Variants in CCDC60 observed in about 807,000 individuals in gnomAD.
CCDC60 encodes the protein coiled-coil domain-containing protein 60.
CCDC60 carries 54 observed loss-of-function variants against 63.5 expected under a neutral mutation model. The observed-to-expected ratio is 0.85, with a 90% CI of 0.68 to 1.07. CCDC60 has a LOEUF of 1.07. CCDC60 is among the 50% of genes least tolerant of loss of function. The probability of loss-of-function intolerance (pLI) is 0.00; values close to 1 mark genes in which losing one functional copy is unlikely to be tolerated. For missense variants in CCDC60, 651 were observed against 684.3 expected (o/e 0.95, Z 0.54); for synonymous variants, 206 against 238.8 (o/e 0.86, Z 1.27).
chr12:119,443,064 G>A (rs1400442320), intron 2 of CCDC60, among the ~76,000 whole-genome samples: 1 of 152,208 alleles, frequency 6.6e-6, no homozygotes, highest in Non-Finnish European at 1.5e-5. Flanking sequence ...ATGCCCAGCT[G>A]AGCCACACAG....
chr12:119,426,292 T>C (rs1448820476), intron 1 of CCDC60, among the ~76,000 whole-genome samples: 2 of 152,222 alleles, frequency 1.3e-5, no homozygotes, highest in African/African-American at 4.8e-5. Flanking sequence ...CCATATGTTT[T>C]GTTTTGTTTT....
At chr12:119,384,936 G>C (rs886537012) in intron 1 of CCDC60, among the ~76,000 whole-genome samples, 5 of 148,318 alleles carry the variant, frequency 3.4e-5, no homozygotes, top group African/African-American at 1.2e-4. Flanking sequence ...CAAACATTGA[G>C]TGGGGGGGCT....
intron 1 of CCDC60, among the ~76,000 whole-genome samples, chr12:119,344,214 G>C (rs902427507): frequency 2.1e-4 from 32 of 152,020 alleles, no homozygotes; most frequent in African/African-American, 7.5e-4. Flanking sequence ...CCTCCCCATG[G>C]TGACAACGAA....
At chr12:119,521,489 A>C (rs1952528770) in intron 9 of CCDC60, among the ~76,000 whole-genome samples, 1 of 152,154 alleles carries the variant, frequency 6.6e-6, no homozygotes. Flanking sequence ...TGAGAACTTC[A>C]GGACAAAGGA....
At chr12:119,532,430 T>TATTATTATTATTATTATC (rs965773804) in intron 13 of CCDC60, among the ~76,000 whole-genome samples, 12 of 147,654 alleles carry the variant, frequency 8.1e-5, no homozygotes, top group African/African-American at 3.0e-4. Context: ...TTATTATTAT[T>TATTATTATTATTATTATC]ATCATTATAC....
intron 8 of CCDC60, among the ~76,000 whole-genome samples, chr12:119,519,467 A>ATTTTT (rs60025828): frequency 2.1e-5 from 2 of 95,284 alleles, no homozygotes; most frequent in African/African-American, 7.5e-5. Context: ...ATATATATAT[A>ATTTTT]TTTTTTTTTT....
chr12:119,341,180 T>C (rs1219782060), intron 1 of CCDC60, among the ~76,000 whole-genome samples: 4 of 152,238 alleles, frequency 2.6e-5, no homozygotes, highest in African/African-American at 9.6e-5. Context: ...CTGTGTCTAA[T>C]TGCATGGGCA....
At position 119,461,560 on chromosome 12, in the gene CCDC60, C is replaced by T. The variant is rs150596567; in HGVS notation, c.171-10434C>T. 3.5e-3 allele frequency among the ~76,000 whole-genome samples: 531 copies of T among 152,300 alleles called. 10 individuals are homozygous for T. Among genetic ancestry groups the T allele is most frequent in the Admixed American group, 0.031 (469 of 15,302 alleles). ...CACAGACTCCCATACAGAGAACATA[C>T]GTTCCTTAATAATAACAACCCACCC... On this transcript the variant is annotated intron_variant, in intron 2 of 13. Coordinates refer to ENST00000327554, the MANE Select transcript of CCDC60 (RefSeq NM_178499.5).
chr12:119,344,869 A>T lies in CCDC60; in HGVS notation c.90+9603A>T, dbSNP rs924009376. 6.7e-4 allele frequency among the ~76,000 whole-genome samples: 101 copies of T among 149,824 alleles called. No individual in the cohort carries two copies. In the East Asian group the frequency reaches 0.01, roughly 16 times the overall value. Reference sequence around the variant, plus strand: ...CTCTCTCTCTCTCACACACACACACACACACACACACACACACACACACAC... The same window carrying T: ...CTCTCTCTCTCTCACACACACACACTCACACACACACACACACACACACAC... On this transcript the variant is annotated intron_variant, in intron 1 of 13. Transcript: ENST00000327554.
At chr12:119,500,308 C>G (rs928131940) in intron 6 of CCDC60, 140 bp downstream of exon 6, 8 of 651,462 alleles carry the variant, frequency 1.2e-5, no homozygotes, top group African/African-American at 1.1e-4. Context: ...GAGCCACAGG[C>G]TGTTGGATGG....
chr12:119,533,053 A>G (rs1186607114), intron 13 of CCDC60, among the ~76,000 whole-genome samples: 1 of 152,018 alleles, frequency 6.6e-6, no homozygotes, highest in East Asian at 1.9e-4. Context: ...AAGCATTCCT[A>G]TTTCTCCACA....
intron 5 of CCDC60, among the ~76,000 whole-genome samples, chr12:119,491,360 G>A (rs554296128): frequency 5.3e-5 from 8 of 152,088 alleles, no homozygotes; most frequent in East Asian, 3.9e-4. Flanking sequence ...ATGGAGTCTC[G>A]CTCTGTCGCC....
At chr12:119,532,787 T>C (rs1952892433) in intron 13 of CCDC60, among the ~76,000 whole-genome samples, 1 of 152,242 alleles carries the variant, frequency 6.6e-6, no homozygotes, top group African/African-American at 2.4e-5. Context: ...ATGGTGTATA[T>C]GTGCAACATT....
In CCDC60 at chr12:119,472,021, C is replaced by T. The variant is rs1465241900; in HGVS notation, c.198C>T (p.Gly66=). 2.5e-6 allele frequency: 4 copies of T among 1,613,800 alleles called. No individual in the cohort carries two copies. The highest frequency in any genetic ancestry group is 3.4e-6 in the Non-Finnish European group (4 of 1,179,976). Residue 66 remains glycine, a synonymous_variant, in exon 3 of 14, where the codon GGC becomes GGT. Coordinates refer to ENST00000327554, the MANE Select transcript of CCDC60 (RefSeq NM_178499.5). The part of the protein sequence containing the change: ...SRFLIQSVKI[G]RGYFAILREE... ...TTTTGATCCAGTCTGTGAAGATAGG[C>T]CGTGGATATTTTGCTATTCTGAGGG... is the stretch of plus-strand genomic sequence containing the variant.
At chr12:119,516,890 C>T (rs1249556243) in intron 8 of CCDC60, among the ~76,000 whole-genome samples, 183 bp downstream of exon 8, 1 of 152,152 alleles carries the variant, frequency 6.6e-6, no homozygotes, top group Non-Finnish European at 1.5e-5. Context: ...CTTTATTTTA[C>T]AAATCAAGAA....
intron 2 of CCDC60, among the ~76,000 whole-genome samples, chr12:119,441,016 C>A (rs1329515308): frequency 6.6e-6 from 1 of 152,220 alleles, no homozygotes; most frequent in African/African-American, 2.4e-5. Context: ...GTGGCTGCAA[C>A]TATTTTACAA....
intron 1 of CCDC60, among the ~76,000 whole-genome samples, chr12:119,385,853 G>A (rs1956054428): frequency 6.6e-6 from 1 of 152,182 alleles, no homozygotes; most frequent in African/African-American, 2.4e-5. Context: ...GCTCCCTGCT[G>A]TTGCTAGCCC....
chr12:119,455,989 G>T (rs1269457005), intron 2 of CCDC60, among the ~76,000 whole-genome samples: 2 of 46,790 alleles, frequency 4.3e-5, no homozygotes, highest in Non-Finnish European at 7.2e-5. Flanking sequence ...GAGAGAGAAA[G>T]AGAGAGAGAA....
At chr12:119,531,136 T>C in intron 13 of CCDC60, 73 bp downstream of exon 13, 4 of 1,336,676 alleles carry the variant, frequency 3.0e-6, no homozygotes, top group Non-Finnish European at 4.2e-6. Flanking sequence ...ATTCAGGCAC[T>C]GTTTAAGTGC....
Sources: gnomAD v4.1 joint callset for allele counts (sites outside exome capture counted in the v4.1 genomes callset) on GRCh38, gnomAD v4.1.1 for gene constraint, MANE v1.5 for transcripts, NCBI Gene and HGNC (gene_info 2026-07-23, HGNC 2026-07-21) for gene names.